The following SHISA9 variants were observed in gnomAD, a reference collection of about 807,000 sequenced individuals.
SHISA9 encodes the protein protein shisa-9.
A neutral mutation model predicts 38.0 loss-of-function variants in SHISA9; 13 were observed. That is an observed-to-expected ratio of 0.34 (90% confidence interval 0.22 to 0.54). The LOEUF (loss-of-function observed/expected upper bound fraction) is 0.54. Ranked by LOEUF, SHISA9 falls within the 20% of genes least tolerant of loss-of-function variation. The probability of loss-of-function intolerance (pLI) is 0.91; values close to 1 mark genes in which losing one functional copy is unlikely to be tolerated. For missense variants in SHISA9, 538 were observed against 575.8 expected (o/e 0.93, Z 0.67); for synonymous variants, 275 against 242.0 (o/e 1.14, Z -1.27).
chr16:13,309,301 A>G, the SHISA9 span, among the ~76,000 whole-genome samples: 1 of 152,100 alleles, frequency 6.6e-6, no homozygotes, highest in African/African-American at 2.4e-5. Context: ...GCACACGTTT[A>G]CCCGTGTAGC....
At chr16:13,539,476 C>T in the SHISA9 span, among the ~76,000 whole-genome samples, 101,803 of 149,888 alleles carry the variant, frequency 0.68, 35,165 homozygotes, top group East Asian at 0.97. Context: ...TATGCTTGGC[C>T]CTAACCAATG....
the SHISA9 span, among the ~76,000 whole-genome samples, chr16:13,408,483 TTCTA>T: frequency 6.6e-6 from 1 of 152,300 alleles, no homozygotes; most frequent in African/African-American, 2.4e-5. Flanking sequence ...GTAGTATTAT[TTCTA>T]TAGAGAGAAT....
At chr16:13,110,294 G>A (rs1477367890) in intron 2 of SHISA9, among the ~76,000 whole-genome samples, 2 of 152,196 alleles carry the variant, frequency 1.3e-5, no homozygotes, top group African/African-American at 4.8e-5. Flanking sequence ...CAACCCCAAG[G>A]AAGGGGGAAC....
intron 2 of SHISA9, among the ~76,000 whole-genome samples, chr16:13,036,254 G>C (rs1193491311): frequency 6.6e-6 from 1 of 152,182 alleles, no homozygotes; most frequent in Admixed American, 6.5e-5. Flanking sequence ...CTATTCATAG[G>C]TGAGTGGATA....
the SHISA9 span, among the ~76,000 whole-genome samples, chr16:13,390,509 C>T: frequency 2.0e-5 from 3 of 152,076 alleles, no homozygotes; most frequent in East Asian, 1.9e-4. Flanking sequence ...TCTGTTATTC[C>T]GCCTGTGATC....
chr16:13,065,565 T>C (rs2073424571), intron 2 of SHISA9, among the ~76,000 whole-genome samples: 1 of 152,266 alleles, frequency 6.6e-6, no homozygotes, highest in East Asian at 1.9e-4. Flanking sequence ...TTTGCCCATG[T>C]TTCTAGCTCT....
chr16:13,070,129 T>C (rs1457797890), intron 2 of SHISA9, among the ~76,000 whole-genome samples: 1 of 137,208 alleles, frequency 7.3e-6, no homozygotes, highest in African/African-American at 3.1e-5. Context: ...AGTACGTGTG[T>C]GTGTGTGTGT....
chr16:13,339,142 C>A, the SHISA9 span, among the ~76,000 whole-genome samples: 3 of 148,516 alleles, frequency 2.0e-5, no homozygotes, highest in Non-Finnish European at 3.0e-5. Flanking sequence ...CAGAAAATAC[C>A]GGAGCTCAAT....
intron 4 of SHISA9, among the ~76,000 whole-genome samples, chr16:13,214,030 G>C (rs1438454504): frequency 6.6e-6 from 1 of 152,070 alleles, no homozygotes; most frequent in Non-Finnish European, 1.5e-5. Flanking sequence ...TTCAGTGGTA[G>C]ATCTGCAGTT....
chr16:13,000,377 C>T (rs368977707), intron 2 of SHISA9, among the ~76,000 whole-genome samples: 3 of 152,090 alleles, frequency 2.0e-5, no homozygotes, highest in South Asian at 4.2e-4. Flanking sequence ...TAAACAACGA[C>T]GTGGTTTTAG....
intron 2 of SHISA9, among the ~76,000 whole-genome samples, chr16:13,004,192 G>C (rs2072565907): frequency 6.6e-6 from 1 of 152,212 alleles, no homozygotes; most frequent in African/African-American, 2.4e-5. Flanking sequence ...ATAGGGAAAA[G>C]TCTGACTTGT....
chr16:12,943,324 TGTGTGTGAGAGAGAGAGAGAGAGAGAGA>T (rs2071643980), intron 2 of SHISA9, among the ~76,000 whole-genome samples: 2 of 21,074 alleles, frequency 9.5e-5, no homozygotes, highest in African/African-American at 3.6e-4. Context: ...TGTGTGTGTG[TGTGTGTGAGAGAGAGAGAGAGAGAGAGA>T]GAGAGAGAGA....
intron 2 of SHISA9, among the ~76,000 whole-genome samples, chr16:13,158,089 G>C (rs528412338): frequency 6.6e-6 from 1 of 152,200 alleles, no homozygotes; most frequent in Non-Finnish European, 1.5e-5. Context: ...CCAGACCTGG[G>C]CTTTAGTCAC....
the SHISA9 span, among the ~76,000 whole-genome samples, chr16:13,383,140 G>GA: frequency 1.3e-5 from 2 of 152,118 alleles, no homozygotes; most frequent in Non-Finnish European, 2.9e-5. Flanking sequence ...AAATGCTACA[G>GA]AAAAAAATGA....
the SHISA9 span, among the ~76,000 whole-genome samples, chr16:13,469,369 G>A: frequency 0.011 from 741 of 66,064 alleles, 2 homozygotes; most frequent in Middle Eastern, 0.025. Context: ...AAAAGAAAAA[G>A]AAAGAAAGAA....
chr16:13,079,435 G>C (rs1393451787), intron 2 of SHISA9, among the ~76,000 whole-genome samples: 1 of 152,168 alleles, frequency 6.6e-6, no homozygotes. Flanking sequence ...CTAGAATGAT[G>C]AAAGAAGCAC....
intron 2 of SHISA9, among the ~76,000 whole-genome samples, chr16:12,969,672 G>A (rs749511283): frequency 2.0e-5 from 3 of 152,082 alleles, no homozygotes; most frequent in Non-Finnish European, 2.9e-5. Flanking sequence ...GCTTGAACCC[G>A]GGAGGCGGAG....
downstream of SHISA9, among the ~76,000 whole-genome samples, chr16:13,242,059 A>T (rs945376126): frequency 6.6e-6 from 1 of 152,244 alleles, no homozygotes; most frequent in Non-Finnish European, 1.5e-5. Context: ...CACACTGTTA[A>T]AGACCTTCTA....
chr16:13,107,173 C>G (rs1370922676), intron 2 of SHISA9, among the ~76,000 whole-genome samples: 1 of 152,076 alleles, frequency 6.6e-6, no homozygotes, highest in Non-Finnish European at 1.5e-5. Flanking sequence ...TGGCTCATGC[C>G]TATAATCCCA....
Sources: gnomAD v4.1 joint callset for allele counts (sites outside exome capture counted in the v4.1 genomes callset) on GRCh38, gnomAD v4.1.1 for gene constraint, MANE v1.5 for transcripts, NCBI Gene and HGNC (gene_info 2026-07-23, HGNC 2026-07-21) for gene names.